Variants in KANK2 observed in about 807,000 individuals in gnomAD.
KANK2 encodes the protein KN motif and ankyrin repeat domain-containing protein 2.
In KANK2, 41 loss-of-function variants were observed where a neutral mutation model predicts 74.6. That is an observed-to-expected ratio of 0.55 (90% CI 0.43 to 0.71). KANK2 has a LOEUF of 0.71. KANK2 is among the 30% of genes least tolerant of loss of function. The pLI is 0.00. For synonymous variants in KANK2, 537 were observed against 519.0 expected (o/e 1.03, Z -0.47); for missense variants, 1,148 against 1,196.4 (o/e 0.96, Z 0.60).
intron 6 of KANK2, among the ~76,000 whole-genome samples, chr19:11,177,489 G>A (rs988306508): frequency 3.3e-5 from 5 of 151,986 alleles, no homozygotes; most frequent in Non-Finnish European, 7.4e-5. Flanking sequence ...CAAGTAGCTG[G>A]GACTGCAGGC....
intron 4 of KANK2, among the ~76,000 whole-genome samples, chr19:11,189,641 T>C (rs1334603246): frequency 1.9e-5 from 2 of 107,364 alleles, no homozygotes; most frequent in African/African-American, 6.9e-5. Context: ...AAAAGGAAGA[T>C]ATAGAAATGA....
chr19:11,169,568 T>C (rs975956163), intron 12 of KANK2: 4 of 514,440 alleles, frequency 7.8e-6, no homozygotes, highest in Non-Finnish European at 1.4e-5. Flanking sequence ...TTTGGGAGGC[T>C]AAGGCAGGTG....
At chr19:11,196,463 C>T (rs553458336) in intron 1 of KANK2, 2 of 152,518 alleles carry the variant, frequency 1.3e-5, no homozygotes, top group African/African-American at 4.8e-5. Context: ...CAGTGGCTTC[C>T]TCGGGGTCAC....
chr19:11,176,486 A>G lies in KANK2; in HGVS notation c.1760+92T>C, dbSNP rs2078339770. The stretch of plus-strand genomic sequence containing the variant: ...GACTAAAGTGTGCATGACTGATAGG[A>G]GGGTCCTTCAAAGGGCTTGAACGGT... On this transcript the variant is annotated intron_variant, in intron 7 of 12. Transcript: ENST00000586659. 5.1e-6 allele frequency: 7 copies of G among 1,375,464 alleles called. No individual in the cohort carries two copies. The Admixed American group carries it at 1.5e-4, about 29-fold the overall frequency. 85.2% of individuals were successfully genotyped at this position (1,375,464 alleles called of 1,614,324 possible).
intron 10 of KANK2, among the ~76,000 whole-genome samples, chr19:11,172,597 C>T (rs1305734320): frequency 3.9e-5 from 6 of 152,168 alleles, no homozygotes; most frequent in Admixed American, 6.6e-5. Context: ...ATTCCCCTGG[C>T]GGTTTCCTGC....
At position 11,176,588 on chromosome 19, in the gene KANK2, C is replaced by T. The variant is rs554030151; in HGVS notation, c.1750G>A (p.Glu584Lys). Residue 584 changes from glutamate (E) to lysine (K), a missense_variant, in exon 7 of 13, where the codon GAG becomes AAG. Transcript: ENST00000586659. Reference protein sequence around the residue: ...AEGASGSNTEEEIRMELSPDL... With the variant: ...AEGASGSNTEKEIRMELSPDL... ...ACCCAGAAAACTGACCTGATCTCCT[C>T]CTCCGTGTTTGATCCTGATGCCCCC... 1.9e-6 allele frequency: 3 copies of T among 1,588,030 alleles called. No homozygotes were observed. In the South Asian group the frequency reaches 3.4e-5, roughly 18 times the overall value.
chr19:11,186,926 G>A (rs2078693013), intron 4 of KANK2, among the ~76,000 whole-genome samples: 1 of 152,126 alleles, frequency 6.6e-6, no homozygotes, highest in African/African-American at 2.4e-5. Context: ...GTGGTGGCCG[G>A]AAATTAGAAG....
chr19:11,169,071 C>G (rs1425129537), intron 12 of KANK2, among the ~76,000 whole-genome samples: 2 of 152,144 alleles, frequency 1.3e-5, no homozygotes, highest in African/African-American at 4.8e-5. Flanking sequence ...GGTGCAGTGG[C>G]TCACGCCTGT....
In KANK2 at chr19:11,166,445, C is replaced by T. The variant is rs1295412896; in HGVS notation, c.*113G>A. ...AGGGAGAGCTCGCTTGCCTTTGAGC[C>T]GTGGGCCTTGGGGAGTGTGAGTGGG... On this transcript the variant is annotated 3_prime_UTR_variant, in exon 13 of 13. Transcript: ENST00000586659. The T allele has an allele frequency of 1.1e-5, 11 of 961,200 alleles. No individual in the cohort carries two copies. The highest frequency in any genetic ancestry group is 9.7e-5 in the East Asian group (4 of 41,310). 59.5% of individuals were successfully genotyped at this position (961,200 alleles called of 1,614,324 possible). A position where few individuals can be genotyped will look rare whatever the true frequency, so the allele number is the denominator to read the frequency against.
rs2078346330 is a variant in KANK2 at position 11,176,657 on chromosome 19, C to G, written c.1681G>C (p.Glu561Gln). ...GTAAAKTSRQ[E>Q]CQLSRESQHI... Reference sequence around the variant, plus strand: ...TGAGATTCTCGAGACAGCTGACACTCCTGCCGGCTGGTCTTGGCCGCTGCC... The same window carrying G: ...TGAGATTCTCGAGACAGCTGACACTGCTGCCGGCTGGTCTTGGCCGCTGCC... Residue 561 changes from glutamate to glutamine, a missense_variant, in exon 7 of 13, where the codon GAG (glutamate) becomes CAG (glutamine). By Grantham distance (29) the Glu-to-Gln change is conservative (BLOSUM62 2). Transcript: ENST00000586659. 6.2e-7 allele frequency: 1 copy of G among 1,613,746 alleles called. No individual in the cohort carries two copies. Among genetic ancestry groups the G allele is most frequent in the Non-Finnish European group, 8.5e-7 (1 of 1,179,886 alleles).
rs763662056 is a variant in KANK2, at chr19:11,194,554, G to A, written c.-43C>T. 66 of 1,553,100 alleles carry A rather than the reference G, an allele frequency of 4.2e-5. No individual in the cohort carries two copies. The South Asian group carries it at 7.1e-4, about 17-fold the overall frequency. On this transcript the variant is annotated 5_prime_UTR_variant, in exon 3 of 13. Coordinates refer to ENST00000586659, the MANE Select transcript of KANK2 (RefSeq NM_001136191.3). ...CTCCTTGGAAGTCACTTGAGGGACT[G>A]CGAGTCAGACTGCCTGCAGCACCGG...
At chr19:11,169,772 C>T (rs1320766269) in intron 12 of KANK2, 105 bp downstream of exon 12, 7 of 968,890 alleles carry the variant, frequency 7.2e-6, no homozygotes, top group Admixed American at 2.1e-5. Context: ...CCGCACTCCA[C>T]CCTGGGCGAC....
chr19:11,174,616 C>T lies in KANK2; in HGVS notation c.1925G>A (p.Arg642Gln), dbSNP rs751328990. 2.1e-5 allele frequency: 34 copies of T among 1,612,440 alleles called. 1 individual carries two copies. Among genetic ancestry groups the T allele is most frequent in the South Asian group, 1.9e-4 (17 of 90,980 alleles). Residue 642 changes from arginine to glutamine, a missense_variant, in exon 9 of 13, where the codon CGG (arginine) becomes CAG (glutamine). By Grantham distance (43) the Arg-to-Gln change is conservative. Transcript: ENST00000586659. The stretch of plus-strand genomic sequence containing the variant: ...GGCCCGGAACGTGACCAGGTGCCGC[C>T]GCACCAGCTCGGGGTGTGCGTCGCT... Reference protein sequence around the residue: ...CRSDAHPELVRRHLVTFRAMS... With the variant: ...CRSDAHPELVQRHLVTFRAMS...
intron 4 of KANK2, among the ~76,000 whole-genome samples, chr19:11,187,179 C>A (rs12461028): frequency 0.066 from 9,992 of 152,036 alleles, 381 homozygotes; most frequent in Admixed American, 0.09. Context: ...ATTGCTTGAA[C>A]CCGGGAGGCA....
chr19:11,172,866 G>T, intron 10 of KANK2, 115 bp downstream of exon 10: 2 of 1,088,316 alleles, frequency 1.8e-6, no homozygotes, highest in African/African-American at 1.6e-5. Context: ...AGACAGCCTG[G>T]CCATGAAGAG....
chr19:11,193,247 A>C lies in KANK2; in HGVS notation c.833T>G (p.Met278Arg). 6.2e-7 allele frequency: 1 copy of C among 1,610,368 alleles called. No individual in the cohort carries two copies. Among genetic ancestry groups the C allele is most frequent in the Non-Finnish European group, 8.5e-7 (1 of 1,179,774 alleles). The change falls in exon 4 of 13, where the codon ATG (methionine) becomes AGG (arginine). Residue 278 changes from methionine (M) to arginine (R), a missense_variant. By Grantham distance (91) the Met-to-Arg change is moderately conservative. Coordinates refer to ENST00000586659, the MANE Select transcript of KANK2 (RefSeq NM_001136191.3). This position sits in a 1 kb window ranked among gnomAD's most constrained non-coding sequence, Gnocchi z 9.6. ...GTWVRERDLGMPDGEAALAAK... is the reference protein window; with the variant it reads ...GTWVRERDLGRPDGEAALAAK... The stretch of plus-strand genomic sequence containing the variant: ...GGCGAGGGCAGCCTCCCCATCAGGC[A>C]TGCCCAAGTCCCGTTCTCGAACCCA...
intron 9 of KANK2, 144 bp from the exon 10 acceptor site, chr19:11,173,267 T>C (rs2078231713): frequency 1.3e-6 from 1 of 764,070 alleles, no homozygotes. Flanking sequence ...GCCCTAGAGG[T>C]CTCCATCTCC....
At chr19:11,168,787 C>T (rs922269447) in intron 12 of KANK2, among the ~76,000 whole-genome samples, 1 of 152,186 alleles carries the variant, frequency 6.6e-6, no homozygotes, top group African/African-American at 2.4e-5. Flanking sequence ...CAACCATGAC[C>T]ATGCAGCCTC....
At chr19:11,195,252 C>G (rs765050920) in intron 2 of KANK2, 2 of 152,132 alleles carry the variant, frequency 1.3e-5, no homozygotes, top group African/African-American at 4.8e-5. Flanking sequence ...AGGATGCGTC[C>G]GGGCCCAGGG....
Sources: allele counts gnomAD v4.1 joint callset (sites outside exome capture counted in the v4.1 genomes callset), GRCh38; gene constraint gnomAD v4.1.1; non-coding constraint Gnocchi (gnomAD v3.1); transcripts MANE v1.5; gene names NCBI Gene and HGNC (gene_info 2026-07-23, HGNC 2026-07-21).